Variants in GPD2 observed in about 807,000 individuals in gnomAD.
The protein encoded by GPD2 is glycerol-3-phosphate dehydrogenase, mitochondrial.
Under a neutral mutation model 82.4 loss-of-function variants are expected in GPD2, and 54 were observed. The observed-to-expected ratio is 0.66, with a 90% CI of 0.53 to 0.82. The LOEUF (loss-of-function observed/expected upper bound fraction) is 0.82. Among genes scored for constraint, GPD2 ranks in the 40% least tolerant of loss-of-function variants. The pLI is 0.00. For synonymous variants in GPD2, 288 were observed against 306.1 expected (o/e 0.94, Z 0.62); for missense variants, 748 against 896.2 (o/e 0.83, Z 2.11).
At chr2:156,543,367 G>A (rs569822331) in intron 6 of GPD2, among the ~76,000 whole-genome samples, 1 of 152,188 alleles carries the variant, frequency 6.6e-6, no homozygotes, top group Non-Finnish European at 1.5e-5. Context: ...CAGGTACTGG[G>A]GAAGCAAATT....
chr2:156,428,167 A>G, the GPD2 span, among the ~76,000 whole-genome samples: 3 of 152,206 alleles, frequency 2.0e-5, no homozygotes, highest in Non-Finnish European at 4.4e-5. Context: ...GGAGGCCATT[A>G]TTCAGTCTAC....
At chr2:156,404,948 G>T in the GPD2 span, among the ~76,000 whole-genome samples, 1 of 152,082 alleles carries the variant, frequency 6.6e-6, no homozygotes. Context: ...AAATTTTTAG[G>T]ACACATTCCC....
rs773947825 is a variant in GPD2, at chr2:156,550,681, T to C, written c.906T>C (p.Asp302=). ...PFTDSVRKMD[D]KDAAAICQPS... ...CGGACTCTGTGCGCAAAATGGATGA[T>C]AAAGACGCAGCAGCTATCTGCCAGC... is the stretch of plus-strand genomic sequence containing the variant. The change falls in exon 8 of 17, where the codon GAT becomes GAC. Residue 302 remains aspartate (D), a synonymous_variant. Transcript: ENST00000438166. The C allele has an allele frequency of 8.7e-6, 14 of 1,613,820 alleles. No individual in the cohort carries two copies. Among genetic ancestry groups the C allele is most frequent in the Admixed American group, 1.7e-5 (1 of 60,008 alleles).
chr2:156,461,467 C>T (rs1452003216), intron 1 of GPD2, among the ~76,000 whole-genome samples: 1 of 152,216 alleles, frequency 6.6e-6, no homozygotes, highest in African/African-American at 2.4e-5. Context: ...TAGGCTCCAA[C>T]TCCTGTGCTC....
At chr2:156,500,034 TGTG>T (rs1232772157) in intron 3 of GPD2, among the ~76,000 whole-genome samples, 1 of 152,068 alleles carries the variant, frequency 6.6e-6, no homozygotes, top group Non-Finnish European at 1.5e-5. Flanking sequence ...TGATGATAGT[TGTG>T]GTGGTGATGA....
At chr2:156,425,148 G>C in the GPD2 span, among the ~76,000 whole-genome samples, 1 of 151,200 alleles carries the variant, frequency 6.6e-6, no homozygotes, top group African/African-American at 2.4e-5. Flanking sequence ...TCAGTCTGGA[G>C]TGCAGTGGTG....
the GPD2 span, among the ~76,000 whole-genome samples, chr2:156,401,646 C>T: frequency 6.6e-6 from 1 of 152,054 alleles, no homozygotes. Context: ...GAACACTGAC[C>T]CAAATTTATG....
intron 13 of GPD2, among the ~76,000 whole-genome samples, chr2:156,576,965 A>T (rs2105374803): frequency 6.6e-6 from 1 of 152,276 alleles, no homozygotes; most frequent in Non-Finnish European, 1.5e-5. Context: ...CTGCCAGTGA[A>T]AAATGTCCTT....
At chr2:156,485,628 A>G (rs1683910475) in intron 2 of GPD2, among the ~76,000 whole-genome samples, 1 of 152,224 alleles carries the variant, frequency 6.6e-6, no homozygotes, top group Admixed American at 6.5e-5. Context: ...GTGGCTTATC[A>G]TAATGCACGT....
chr2:156,427,696 C>G, the GPD2 span, among the ~76,000 whole-genome samples: 1 of 152,248 alleles, frequency 6.6e-6, no homozygotes. Context: ...TATTAGTTTC[C>G]TATTGCTGTT....
At chr2:156,518,960 C>T (rs1685296075) in intron 6 of GPD2, among the ~76,000 whole-genome samples, 1 of 152,132 alleles carries the variant, frequency 6.6e-6, no homozygotes, top group African/African-American at 2.4e-5. Context: ...TGGTAATCTC[C>T]ATAATCTCCA....
chr2:156,522,944 A>G (rs1314715726), intron 6 of GPD2, among the ~76,000 whole-genome samples: 1 of 127,672 alleles, frequency 7.8e-6, no homozygotes, highest in Admixed American at 7.5e-5. Context: ...ACTTTTTTAG[A>G]GAAATTTTAG....
the GPD2 span, among the ~76,000 whole-genome samples, chr2:156,420,998 A>G: frequency 7.2e-5 from 11 of 152,234 alleles, no homozygotes; most frequent in East Asian, 2.1e-3. Context: ...TTGACAGCCT[A>G]CAGAATAGAG....
chr2:156,574,139 G>A (rs1414448590), intron 13 of GPD2, among the ~76,000 whole-genome samples: 1 of 152,102 alleles, frequency 6.6e-6, no homozygotes, highest in Non-Finnish European at 1.5e-5. Context: ...CAACCAACTT[G>A]GAAGAACTGA....
chr2:156,531,786 G>C (rs1479684937), intron 6 of GPD2, among the ~76,000 whole-genome samples: 1 of 152,112 alleles, frequency 6.6e-6, no homozygotes, highest in South Asian at 2.1e-4. Context: ...TTCAGCCTAG[G>C]CATGGACCAC....
chr2:156,461,089 G>C (rs1573891886), intron 1 of GPD2, among the ~76,000 whole-genome samples: 1 of 151,496 alleles, frequency 6.6e-6, no homozygotes, highest in African/African-American at 2.4e-5. Context: ...GTCCCTGGCT[G>C]TGCCTGTGCC....
intron 6 of GPD2, among the ~76,000 whole-genome samples, chr2:156,537,563 TTTA>T (rs1241898789): frequency 1.3e-5 from 2 of 152,330 alleles, no homozygotes; most frequent in African/African-American, 4.8e-5. Flanking sequence ...AATTTCTAAA[TTTA>T]TTATTATTTT....
chr2:156,431,116 T>C (rs1264709658), upstream of GPD2, among the ~76,000 whole-genome samples: 3 of 152,252 alleles, frequency 2.0e-5, no homozygotes, highest in East Asian at 1.9e-4. Context: ...AACCCATGAC[T>C]GTCCTTGAGT....
the GPD2 span, among the ~76,000 whole-genome samples, chr2:156,409,752 T>C: frequency 6.6e-6 from 1 of 152,130 alleles, no homozygotes; most frequent in Admixed American, 6.5e-5. Flanking sequence ...TCAGCATAGT[T>C]AGGAGAGAGG....
Sources: allele counts gnomAD v4.1 joint callset (sites outside exome capture counted in the v4.1 genomes callset), GRCh38; gene constraint gnomAD v4.1.1; transcripts MANE v1.5; gene names NCBI Gene and HGNC (gene_info 2026-07-23, HGNC 2026-07-21).